The following ZBTB20 variants were observed in gnomAD, a reference collection of about 807,000 sequenced individuals.
ZBTB20 encodes zinc finger and BTB domain-containing protein 20.
ZBTB20 carries 9 observed loss-of-function variants against 56.9 expected under a neutral mutation model. That is an observed-to-expected ratio of 0.16 (90% CI 0.10 to 0.28). ZBTB20 has a LOEUF of 0.28. Among genes scored for constraint, ZBTB20 ranks in the 10% least tolerant of loss-of-function variants. The probability of loss-of-function intolerance (pLI) is 1.00; values close to 1 mark genes in which losing one functional copy is unlikely to be tolerated. For missense variants in ZBTB20, 655 were observed against 1,003.0 expected (o/e 0.65, Z 4.69); for synonymous variants, 417 against 420.7 (o/e 0.99, Z 0.11).
At chr3:114,988,202 T>C (rs1426517760) in intron 2 of ZBTB20, among the ~76,000 whole-genome samples, 1 of 150,410 alleles carries the variant, frequency 6.6e-6, no homozygotes, top group Non-Finnish European at 1.5e-5. Context: ...ACCCATTAAC[T>C]CGTCATTTAC....
At chr3:114,794,637 C>G (rs1391895111) in intron 5 of ZBTB20, among the ~76,000 whole-genome samples, 1 of 152,062 alleles carries the variant, frequency 6.6e-6, no homozygotes, top group Admixed American at 6.6e-5. Context: ...AGCTACTTCT[C>G]TATGGTTTAA....
intron 7 of ZBTB20, among the ~76,000 whole-genome samples, chr3:114,400,710 G>A (rs139167512): frequency 9.6e-4 from 146 of 152,212 alleles, no homozygotes; most frequent in African/African-American, 3.3e-3. Context: ...CCCTAGGGAA[G>A]GAGGTCAGAC....
At chr3:114,634,143 T>C (rs1578081427) in intron 6 of ZBTB20, among the ~76,000 whole-genome samples, 2 of 108,246 alleles carry the variant, frequency 1.8e-5, no homozygotes, top group African/African-American at 5.1e-5. Flanking sequence ...TGTTGCCTCA[T>C]TTTGCAGATG....
At chr3:114,425,854 G>A (rs1443461225) in intron 7 of ZBTB20, among the ~76,000 whole-genome samples, 2 of 152,090 alleles carry the variant, frequency 1.3e-5, no homozygotes, top group Non-Finnish European at 2.9e-5. Flanking sequence ...TACAAATTCT[G>A]TGTAACCACA....
intron 6 of ZBTB20, among the ~76,000 whole-genome samples, chr3:114,585,980 G>A (rs1294263140): frequency 1.3e-5 from 2 of 152,144 alleles, no homozygotes; most frequent in Non-Finnish European, 2.9e-5. Context: ...ACTTTCCATC[G>A]GGCTCTGTGA....
chr3:114,615,338 C>T (rs973208761), intron 6 of ZBTB20, among the ~76,000 whole-genome samples: 3 of 152,086 alleles, frequency 2.0e-5, no homozygotes, highest in South Asian at 4.1e-4. Context: ...TGTTAGATAT[C>T]TAGGGAATCA....
intron 5 of ZBTB20, among the ~76,000 whole-genome samples, chr3:114,753,084 C>G (rs2140345): frequency 6.6e-6 from 1 of 151,622 alleles, no homozygotes; most frequent in Admixed American, 6.6e-5. Context: ...TTACTGGTCT[C>G]TTCTCTGGAG....
chr3:114,936,641 A>G (rs937417838), intron 3 of ZBTB20, among the ~76,000 whole-genome samples: 11 of 152,252 alleles, frequency 7.2e-5, no homozygotes, highest in African/African-American at 2.4e-4. Flanking sequence ...AAGCATGTGC[A>G]ATCTCACTAG....
chr3:114,676,220 T>C (rs929498063), intron 6 of ZBTB20, among the ~76,000 whole-genome samples: 4 of 152,202 alleles, frequency 2.6e-5, no homozygotes, highest in African/African-American at 9.6e-5. Context: ...ACGTATTCAT[T>C]TGCACACCGT....
At chr3:114,413,185 A>C (rs1008676070) in intron 7 of ZBTB20, among the ~76,000 whole-genome samples, 1 of 152,190 alleles carries the variant, frequency 6.6e-6, no homozygotes, top group African/African-American at 2.4e-5. Flanking sequence ...ATTTCTATTT[A>C]TAATGATAAA....
Position 114,338,866 on chromosome 3 carries a change from A to C in ZBTB20, c.*139T>G. On this transcript the variant is annotated 3_prime_UTR_variant, in exon 12 of 12. Coordinates refer to ENST00000675478, the MANE Select transcript of ZBTB20 (RefSeq NM_001348800.3). ...AAAAACAGTTCTTCATGTAGTACAA[A>C]ATGAAACGAAACAAAAACAAAAACA... The C allele has an allele frequency of 3.8e-6, 4 of 1,046,552 alleles. No individual in the cohort carries two copies. The highest frequency in any genetic ancestry group is 2.0e-5 in the South Asian group (1 of 49,104). 64.8% of individuals were successfully genotyped at this position (1,046,552 alleles called of 1,614,324 possible). A position where few individuals can be genotyped will look rare whatever the true frequency, so the allele number is the denominator to read the frequency against.
rs745960903 is a variant in ZBTB20, at chr3:114,503,911, G to A, written c.-294-3520C>T. ...GTTTTCAACATTTTGAAGTGATACCGATCCCTATGAGAATCTCTTTCTCCA... is the reference window on the plus strand; with the variant it reads ...GTTTTCAACATTTTGAAGTGATACCAATCCCTATGAGAATCTCTTTCTCCA... On this transcript the variant is annotated intron_variant, in intron 6 of 11. Transcript: ENST00000675478. Among the ~76,000 whole-genome samples the A allele has an allele frequency of 7.2e-5, 11 of 152,116 alleles. No individual in the cohort carries two copies. The East Asian group carries it at 1.2e-3, about 16-fold the overall frequency.
Position 114,316,570 on chromosome 3 carries a change from G to T in ZBTB20, c.*22435C>A. 3.8e-6 allele frequency: 2 copies of T among 533,196 alleles called. No homozygotes were observed. Among genetic ancestry groups the T allele is most frequent in the Non-Finnish European group, 7.7e-6 (2 of 259,498 alleles). The allele number at this position is 533,196 out of a possible 1,614,324, so 33.0% of individuals were successfully genotyped here. On this transcript the variant is annotated 3_prime_UTR_variant, in exon 12 of 12. Transcript: ENST00000675478. The stretch of plus-strand genomic sequence containing the variant: ...ATTTATACATAATATAGTGTATATC[G>T]TTTCAACTGGAGATAAACTGAACTG...
At chr3:114,366,512 G>A (rs962700181) in intron 10 of ZBTB20, among the ~76,000 whole-genome samples, 1 of 152,160 alleles carries the variant, frequency 6.6e-6, no homozygotes, top group Non-Finnish European at 1.5e-5. Context: ...ATCAACATGT[G>A]ATTTAAGGAA....
intron 8 of ZBTB20, among the ~76,000 whole-genome samples, chr3:114,384,177 C>G (rs1388932523): frequency 6.6e-6 from 1 of 150,880 alleles, no homozygotes; most frequent in African/African-American, 2.5e-5. Flanking sequence ...TCTCCAACCC[C>G]TTCCTCCTCT....
intron 5 of ZBTB20, among the ~76,000 whole-genome samples, chr3:114,735,978 G>T (rs1023120208): frequency 6.6e-6 from 1 of 152,154 alleles, no homozygotes; most frequent in African/African-American, 2.4e-5. Flanking sequence ...TAAGTCAAGA[G>T]TTGATTGAAT....
chr3:114,995,564 A>T (rs1314609510), intron 2 of ZBTB20, among the ~76,000 whole-genome samples: 1 of 151,886 alleles, frequency 6.6e-6, no homozygotes, highest in Admixed American at 6.6e-5. Flanking sequence ...CCTAAGTCAC[A>T]AATGCTGCTT....
At chr3:114,549,124 T>C (rs1462303086) in intron 6 of ZBTB20, among the ~76,000 whole-genome samples, 1 of 152,208 alleles carries the variant, frequency 6.6e-6, no homozygotes, top group African/African-American at 2.4e-5. Context: ...GCTCCTCTTA[T>C]TCCAGGAAAC....
At chr3:114,546,331 G>A (rs542899271) in intron 6 of ZBTB20, among the ~76,000 whole-genome samples, 1 of 152,090 alleles carries the variant, frequency 6.6e-6, no homozygotes, top group African/African-American at 2.4e-5. Flanking sequence ...TTCCTCTACC[G>A]AATGGTGGAC....
Sources: gnomAD v4.1 joint callset for allele counts (sites outside exome capture counted in the v4.1 genomes callset) on GRCh38, gnomAD v4.1.1 for gene constraint, MANE v1.5 for transcripts, NCBI Gene and HGNC (gene_info 2026-07-23, HGNC 2026-07-21) for gene names.